Variants in RGS14 observed in about 807,000 individuals in gnomAD.
RGS14 encodes regulator of G-protein signaling 14.
In RGS14, 33 loss-of-function variants were observed where a neutral mutation model predicts 63.8. The ratio of observed to expected loss-of-function variants is 0.52; its 90% CI spans 0.39 to 0.69. The LOEUF is 0.69. Among genes scored for constraint, RGS14 ranks in the 30% least tolerant of loss-of-function variants. RGS14 has a pLI of 0.00. For synonymous variants in RGS14, 296 were observed against 320.9 expected (o/e 0.92, Z 0.83); for missense variants, 739 against 742.9 (o/e 0.99, Z 0.06).
rs1761886654 is a variant in RGS14, at chr5:177,358,764, G to A, written c.45+695G>A. On this transcript the variant is annotated intron_variant, in intron 1 of 14. Transcript: ENST00000408923. This position sits in a 1 kb window ranked among gnomAD's most constrained non-coding sequence, Gnocchi z 4.8. ...GCTCTTCTCATTCATTCAGCAGATGGGGCAAGCTGTGCTGGGCCTCCCTTC... is the reference window on the plus strand; with the variant it reads ...GCTCTTCTCATTCATTCAGCAGATGAGGCAAGCTGTGCTGGGCCTCCCTTC... Among the ~76,000 whole-genome samples, 1 of 152,206 alleles carries A rather than the reference G, an allele frequency of 6.6e-6. No individual in the cohort carries two copies. The highest frequency in any genetic ancestry group is 2.4e-5 in the African/African-American group (1 of 41,448).
Position 177,371,209 on chromosome 5 carries a change from G to A in RGS14, c.1299G>A (p.Ser433=). ...TGGATCTGGGGAAGCTAGTGAGCTC[G>A]GTGGCGGCCCAGAGACTGGTTTTGG... ...QPLDLGKLVS[S]VAAQRLVLDT... is the part of the protein sequence containing the mutation. Residue 433 remains serine (S), a synonymous_variant, in exon 12 of 15, where the codon TCG becomes TCA. Coordinates refer to ENST00000408923, the MANE Select transcript of RGS14 (RefSeq NM_006480.5). This position sits in a 1 kb window ranked among gnomAD's most constrained non-coding sequence, Gnocchi z 6.1. The A allele has an allele frequency of 6.2e-7, 1 of 1,613,848 alleles. No homozygotes were observed. The highest frequency in any genetic ancestry group is 8.5e-7 in the Non-Finnish European group (1 of 1,179,930).
chr5:177,367,236 C>A (rs1762121458), intron 5 of RGS14, 178 bp from the exon 6 acceptor site: 2 of 1,097,244 alleles, frequency 1.8e-6, no homozygotes, highest in Admixed American at 2.8e-5. Context: ...CGGAGCCTAG[C>A]TGAGCTCGGG....
At chr5:177,361,077 G>T (rs891658882) in intron 1 of RGS14, among the ~76,000 whole-genome samples, 19 of 152,194 alleles carry the variant, frequency 1.2e-4, no homozygotes, top group African/African-American at 4.6e-4. Flanking sequence ...CTGTCAGAGG[G>T]CCTAGTTAGT....
In RGS14 at chr5:177,370,999, G is replaced by T; in HGVS notation, c.1222G>T (p.Gly408Cys). The T allele has an allele frequency of 6.2e-7, 1 of 1,603,240 alleles. No homozygotes were observed. Among genetic ancestry groups the T allele is most frequent in the Non-Finnish European group, 8.5e-7 (1 of 1,178,602 alleles). ...GCTGCAGCCCATTCTGGAGAAGCAC[G>T]GCTTGAGCCCGCTAGAGGTGGTGCT... Reference protein sequence around the residue: ...EALQPILEKHGLSPLEVVLHR... With the variant: ...EALQPILEKHCLSPLEVVLHR... Residue 408 changes from glycine (G) to cysteine (C), a missense_variant, in exon 11 of 15, where the codon GGC becomes TGC. Coordinates refer to ENST00000408923, the MANE Select transcript of RGS14 (RefSeq NM_006480.5).
rs1169611840 is a variant in RGS14, at chr5:177,365,924, A to T, written c.46-39A>T. 1.9e-6 allele frequency: 3 copies of T among 1,610,868 alleles called. No homozygotes were observed. In the Admixed American group the frequency reaches 5.0e-5, roughly 27 times the overall value. On this transcript the variant is annotated intron_variant, in intron 1 of 14. Coordinates refer to ENST00000408923, the MANE Select transcript of RGS14 (RefSeq NM_006480.5). ...CCAGAACTGTCCCCTGGGAATCCTC[A>T]CTGGGCTCTTCTGACTTTCTCTGTT...
At position 177,364,511 on chromosome 5, in the gene RGS14, C is replaced by T. The variant is rs1762047694; in HGVS notation, c.46-1452C>T. Among the ~76,000 whole-genome samples the T allele has an allele frequency of 6.6e-6, 1 of 152,136 alleles. No individual in the cohort carries two copies. The highest frequency in any genetic ancestry group is 2.4e-5 in the African/African-American group (1 of 41,422). ...CTGGGCTGCCTGGCCCTGCCCTCCT[C>T]GCGCACACCCTGAGCCTCTGTCCTG... On this transcript the variant is annotated intron_variant, in intron 1 of 14. Transcript: ENST00000408923. The surrounding 1 kb of genome is among the most constrained non-coding windows in gnomAD (Gnocchi z 4.6).
chr5:177,361,430 A>G (rs1761963372), intron 1 of RGS14, among the ~76,000 whole-genome samples: 1 of 152,148 alleles, frequency 6.6e-6, no homozygotes, highest in Non-Finnish European at 1.5e-5. Flanking sequence ...ATGCCAGATT[A>G]GACTTGCCCA....
intron 3 of RGS14, 88 bp downstream of exon 3, chr5:177,366,443 T>A: frequency 1.6e-6 from 2 of 1,225,792 alleles, no homozygotes; most frequent in South Asian, 1.6e-5. Flanking sequence ...TGGGGTCCTC[T>A]GTCAGCTTCC....
At chr5:177,367,163 C>A (rs1210644458) in intron 5 of RGS14, 129 bp downstream of exon 5, 4 of 1,290,902 alleles carry the variant, frequency 3.1e-6, no homozygotes, top group Non-Finnish European at 4.2e-6. Flanking sequence ...GAGCCAAATG[C>A]CGGGGCAGGC....
At chr5:177,366,077 A>G in intron 2 of RGS14, 93 bp downstream of exon 2, 1 of 1,571,602 alleles carries the variant, frequency 6.4e-7, no homozygotes, top group Admixed American at 1.7e-5. Context: ...CTATCTTTCC[A>G]GGGAACATGG....
chr5:177,363,129 G>A (rs1241183776), intron 1 of RGS14, among the ~76,000 whole-genome samples: 1 of 152,102 alleles, frequency 6.6e-6, no homozygotes, highest in African/African-American at 2.4e-5. Flanking sequence ...GGGCAGGTAG[G>A]TGCAGGCTGC....
In RGS14 at chr5:177,359,413, C is replaced by G. The variant is rs1167774635; in HGVS notation, c.45+1344C>G. Among the ~76,000 whole-genome samples the G allele has an allele frequency of 6.6e-6, 1 of 152,214 alleles. No homozygotes were observed. The highest frequency in any genetic ancestry group is 2.4e-5 in the African/African-American group (1 of 41,458). On this transcript the variant is annotated intron_variant, in intron 1 of 14. Transcript: ENST00000408923. The surrounding 1 kb of genome is among the most constrained non-coding windows in gnomAD (Gnocchi z 4.4). ...TTGCCTAGGCGACCGGGCCAGGAAG[C>G]CAAGGAGGCTAACCCCAGGCCCACC...
Position 177,367,450 on chromosome 5 carries a change from T to C in RGS14, c.520T>C (p.Phe174Leu). 6.2e-7 allele frequency: 1 copy of C among 1,611,894 alleles called. No individual in the cohort carries two copies. The highest frequency in any genetic ancestry group is 1.3e-5 in the African/African-American group (1 of 75,006). The stretch of plus-strand genomic sequence containing the variant: ...GATGAAGTTCGACAGCTATGCGCGC[T>C]TCGTCAAGTCCCCGCTGTACCGCGA... ...NLMKFDSYAR[F>L]VKSPLYRECL... Residue 174 changes from phenylalanine (F) to leucine (L), a missense_variant, in exon 6 of 15, where the codon TTC becomes CTC. Coordinates refer to ENST00000408923, the MANE Select transcript of RGS14 (RefSeq NM_006480.5).
Position 177,370,677 on chromosome 5 carries a change from C to T in RGS14, c.1127+13C>T, listed in dbSNP as rs756713447. On this transcript the variant is annotated intron_variant, in intron 10 of 14. Coordinates refer to ENST00000408923, the MANE Select transcript of RGS14 (RefSeq NM_006480.5). ...GGATCACCTTCGAGTGAGTGTCCTGCCCCCAAGTCTGGGTCCCAGGTCCTG... is the reference window on the plus strand; with the variant it reads ...GGATCACCTTCGAGTGAGTGTCCTGTCCCCAAGTCTGGGTCCCAGGTCCTG... 2 of 1,613,142 alleles carry T rather than the reference C, an allele frequency of 1.2e-6. No homozygotes were observed. The highest frequency in any genetic ancestry group is 1.1e-5 in the South Asian group (1 of 91,064).
Position 177,359,714 on chromosome 5 carries a change from G to A in RGS14, c.45+1645G>A, listed in dbSNP as rs922606712. On this transcript the variant is annotated intron_variant, in intron 1 of 14. Transcript: ENST00000408923. This position sits in a 1 kb window ranked among gnomAD's most constrained non-coding sequence, Gnocchi z 4.4. ...TCTCTGTGCCACCTCTTAGAATCCC[G>A]AGGGTCACAGATTGGCTGCCTGCTG... is the stretch of plus-strand genomic sequence containing the variant. Among the ~76,000 whole-genome samples the A allele has an allele frequency of 3.9e-5, 6 of 152,202 alleles. No homozygotes were observed. The highest frequency in any genetic ancestry group is 2.1e-4 in the South Asian group (1 of 4,834).
In RGS14 at chr5:177,364,575, C is replaced by T. The variant is rs1015727591; in HGVS notation, c.46-1388C>T. 1.1e-4 allele frequency among the ~76,000 whole-genome samples: 16 copies of T among 152,020 alleles called. No individual in the cohort carries two copies. The highest frequency in any genetic ancestry group is 6.6e-5 in the Admixed American group (1 of 15,262). On this transcript the variant is annotated intron_variant, in intron 1 of 14. Coordinates refer to ENST00000408923, the MANE Select transcript of RGS14 (RefSeq NM_006480.5). The surrounding 1 kb of genome is among the most constrained non-coding windows in gnomAD (Gnocchi z 4.6). ...AGTCAGGGGTGATAGGCGCTGGAGC[C>T]GTTACCAGGAAGTTGGTTATGTGTG...
In RGS14 at chr5:177,370,617, C is replaced by T. The variant is rs1328291333; in HGVS notation, c.1080C>T (p.Thr360=). 1 of 1,614,100 alleles carries T rather than the reference C, an allele frequency of 6.2e-7. No homozygotes were observed. The highest frequency in any genetic ancestry group is 1.3e-5 in the African/African-American group (1 of 75,044). ...EQALVLDQDC[T]VLADQEVRLE... The stretch of plus-strand genomic sequence containing the variant: ...CCCTGGTCCTGGATCAGGACTGCAC[C>T]GTGCTGGCGGATCAGGAAGTGCGGC... Residue 360 remains threonine, a synonymous_variant, in exon 10 of 15, where the codon ACC becomes ACT. Transcript: ENST00000408923.
Position 177,371,047 on chromosome 5 carries a change from G to C in RGS14, c.1254+16G>C, listed in dbSNP as rs1370190273. ...GCTGCACCGGGTGAGCTTCCGGGCCGCGGGGCGGGGCGGGGCGGGGCCGGG... is the reference window on the plus strand; with the variant it reads ...GCTGCACCGGGTGAGCTTCCGGGCCCCGGGGCGGGGCGGGGCGGGGCCGGG... On this transcript the variant is annotated intron_variant, in intron 11 of 14. Transcript: ENST00000408923. This position sits in a 1 kb window ranked among gnomAD's most constrained non-coding sequence, Gnocchi z 6.1. The C allele has an allele frequency of 8.7e-7, 1 of 1,146,280 alleles. No homozygotes were observed. The highest frequency in any genetic ancestry group is 4.6e-5 in the Admixed American group (1 of 21,814). 71.0% of individuals were successfully genotyped at this position (1,146,280 alleles called of 1,614,324 possible).
At chr5:177,370,448 C>T (rs1353650953) in intron 9 of RGS14, 143 bp from the exon 10 acceptor site, 1 of 716,346 alleles carries the variant, frequency 1.4e-6, no homozygotes, top group Non-Finnish European at 2.5e-6. Context: ...CCCATTTGCT[C>T]CCCTACAGCT....
Sources: gnomAD v4.1 joint callset for allele counts (sites outside exome capture counted in the v4.1 genomes callset) on GRCh38, gnomAD v4.1.1 for gene constraint, Gnocchi (gnomAD v3.1) non-coding constraint, MANE v1.5 for transcripts, NCBI Gene and HGNC (gene_info 2026-07-23, HGNC 2026-07-21) for gene names.